Variants in ASAP1 observed in about 807,000 individuals in gnomAD.
The protein encoded by ASAP1 is arf-GAP with SH3 domain, ANK repeat and PH domain-containing protein 1.
In ASAP1, 43 loss-of-function variants were observed where a neutral mutation model predicts 145.2. The ratio of observed to expected loss-of-function variants is 0.30; its 90% CI spans 0.23 to 0.38. The LOEUF (loss-of-function observed/expected upper bound fraction) is 0.38. Ranked by LOEUF, ASAP1 falls within the 10% of genes least tolerant of loss-of-function variation. ASAP1 has a pLI of 1.00. For missense variants in ASAP1, 1,018 were observed against 1,355.3 expected (o/e 0.75, Z 3.91); for synonymous variants, 546 against 515.5 (o/e 1.06, Z -0.80).
intron 3 of ASAP1, among the ~76,000 whole-genome samples, chr8:130,299,981 C>T (rs911297427): frequency 6.6e-6 from 1 of 151,898 alleles, no homozygotes; most frequent in African/African-American, 2.4e-5. Context: ...GCCACATATG[C>T]AGGATATGGA....
chr8:130,148,049 T>C (rs1279197238), intron 13 of ASAP1, among the ~76,000 whole-genome samples: 1 of 152,230 alleles, frequency 6.6e-6, no homozygotes, highest in Non-Finnish European at 1.5e-5. Flanking sequence ...ATTATCTTCA[T>C]GACAAGTACT....
intron 9 of ASAP1, 113 bp from the exon 10 acceptor site, chr8:130,169,180 A>T (rs181264542): frequency 1.6e-6 from 1 of 616,106 alleles, no homozygotes; most frequent in Non-Finnish European, 2.9e-6. Flanking sequence ...CTGAAAATAC[A>T]CTTATCTGTA....
intron 5 of ASAP1, among the ~76,000 whole-genome samples, chr8:130,201,038 T>C (rs147334243): frequency 1.3e-5 from 2 of 152,314 alleles, no homozygotes; most frequent in African/African-American, 4.8e-5. Context: ...TGGAAACTTG[T>C]TGGTTATGAA....
intron 3 of ASAP1, among the ~76,000 whole-genome samples, chr8:130,247,630 A>C (rs1295103209): frequency 6.6e-6 from 1 of 152,160 alleles, no homozygotes; most frequent in Admixed American, 6.6e-5. Context: ...ACAGCTAAAG[A>C]GTAGTTGAGA....
At chr8:130,385,169 A>G (rs1032025325) in intron 2 of ASAP1, among the ~76,000 whole-genome samples, 1 of 152,190 alleles carries the variant, frequency 6.6e-6, no homozygotes, top group African/African-American at 2.4e-5. Flanking sequence ...AGGTTCATTT[A>G]AAAGAGCCAA....
At chr8:130,394,556 T>C (rs1013867626) in intron 2 of ASAP1, among the ~76,000 whole-genome samples, 3 of 152,218 alleles carry the variant, frequency 2.0e-5, no homozygotes, top group African/African-American at 7.2e-5. Flanking sequence ...TGTGATATTC[T>C]ATTACCTTGT....
At chr8:130,336,296 A>G (rs1315581964) in intron 3 of ASAP1, among the ~76,000 whole-genome samples, 1 of 152,226 alleles carries the variant, frequency 6.6e-6, no homozygotes, top group Non-Finnish European at 1.5e-5. Flanking sequence ...AAGGTTATAT[A>G]TACATCAATC....
intron 1 of ASAP1, among the ~76,000 whole-genome samples, chr8:130,421,894 C>G (rs774584914): frequency 4.3e-4 from 66 of 152,164 alleles, no homozygotes; most frequent in Non-Finnish European, 7.6e-4. Flanking sequence ...AAAGGCTTCA[C>G]CTGAATACCT....
chr8:130,417,382 G>A (rs1459905126), intron 1 of ASAP1, among the ~76,000 whole-genome samples: 1 of 152,230 alleles, frequency 6.6e-6, no homozygotes, highest in Non-Finnish European at 1.5e-5. Context: ...CCTTCCAGGG[G>A]CCCTTCCAAA....
In ASAP1 at chr8:130,090,971, T is replaced by A. The variant is rs115293634; in HGVS notation, c.2572+1002A>T. Among the ~76,000 whole-genome samples the A allele has an allele frequency of 1.4e-3, 215 of 152,324 alleles. 1 individual carries two copies. The highest frequency in any genetic ancestry group is 4.6e-3 in the African/African-American group (193 of 41,582). On this transcript the variant is annotated intron_variant, in intron 25 of 29. Transcript: ENST00000518721. ...AACTAACAAATTTATTCAGCAAAGC[T>A]TCTGTGAGTGTCTGTCACGGGCCAA...
At chr8:130,432,830 G>C (rs1830183280) in intron 1 of ASAP1, among the ~76,000 whole-genome samples, 1 of 152,174 alleles carries the variant, frequency 6.6e-6, no homozygotes, top group Non-Finnish European at 1.5e-5. Context: ...AGCTCTGTCA[G>C]TTGCCCACAC....
intron 12 of ASAP1, among the ~76,000 whole-genome samples, chr8:130,155,955 G>A (rs911408834): frequency 2.6e-5 from 4 of 152,100 alleles, no homozygotes; most frequent in Non-Finnish European, 4.4e-5. Flanking sequence ...TGATCCCAGC[G>A]CGATCTCTAG....
At chr8:130,066,089 T>C (rs1269950891) in intron 27 of ASAP1, among the ~76,000 whole-genome samples, 5 of 152,230 alleles carry the variant, frequency 3.3e-5, no homozygotes, top group Non-Finnish European at 5.9e-5. Context: ...TTACACCATA[T>C]TGTGATACAA....
intron 2 of ASAP1, among the ~76,000 whole-genome samples, chr8:130,366,938 C>A (rs1430267641): frequency 7.6e-6 from 1 of 130,954 alleles, no homozygotes; most frequent in African/African-American, 2.9e-5. Context: ...TCACCCCAGG[C>A]TGGAGTGCAG....
chr8:130,359,471 G>T (rs551658484), intron 2 of ASAP1, among the ~76,000 whole-genome samples: 1 of 152,294 alleles, frequency 6.6e-6, no homozygotes, highest in Admixed American at 6.5e-5. Context: ...CTAGGCCTTT[G>T]GGAAGGGCCA....
At chr8:130,356,995 A>T (rs1312087722) in intron 3 of ASAP1, among the ~76,000 whole-genome samples, 1 of 152,166 alleles carries the variant, frequency 6.6e-6, no homozygotes, top group Non-Finnish European at 1.5e-5. Flanking sequence ...TGCCATTTTC[A>T]GTTGAAATAC....
At chr8:130,054,940 C>A (rs2097400445) in intron 29 of ASAP1, 135 bp from the exon 30 acceptor site, 2 of 699,434 alleles carry the variant, frequency 2.9e-6, no homozygotes, top group South Asian at 1.5e-5. Flanking sequence ...TCTTCCCACC[C>A]TTTAGTGAAC....
At chr8:130,090,445 C>T (rs937788516) in intron 25 of ASAP1, among the ~76,000 whole-genome samples, 1 of 152,178 alleles carries the variant, frequency 6.6e-6, no homozygotes, top group African/African-American at 2.4e-5. Flanking sequence ...GAAAATGTCA[C>T]GGACATCCTT....
intron 2 of ASAP1, among the ~76,000 whole-genome samples, chr8:130,387,880 T>G (rs1049183138): frequency 6.6e-6 from 1 of 152,218 alleles, no homozygotes; most frequent in Non-Finnish European, 1.5e-5. Context: ...GGAGTAACTT[T>G]AGCAGATGAG....
Sources: gnomAD v4.1 joint callset for allele counts (sites outside exome capture counted in the v4.1 genomes callset) on GRCh38, gnomAD v4.1.1 for gene constraint, MANE v1.5 for transcripts, NCBI Gene and HGNC (gene_info 2026-07-23, HGNC 2026-07-21) for gene names.